SLC24A3: variants seen among roughly 807,000 people sequenced by gnomAD.
The protein encoded by SLC24A3 is solute carrier family 24 member 3.
SLC24A3 carries 28 observed loss-of-function variants against 75.8 expected under a neutral mutation model. The ratio of observed to expected loss-of-function variants is 0.37; its 90% confidence interval spans 0.27 to 0.51. The LOEUF is 0.51. Among genes scored for constraint, SLC24A3 ranks in the 20% least tolerant of loss-of-function variants. The probability of loss-of-function intolerance (pLI) is 0.94; values close to 1 mark genes in which losing one functional copy is unlikely to be tolerated. For synonymous variants in SLC24A3, 372 were observed against 334.1 expected, an observed-to-expected ratio of 1.11 and a Z score of -1.24; for missense variants, 663 against 847.8, an observed-to-expected ratio of 0.78 and a Z score of 2.71.
At chr20:19,656,078 T>A (rs2032262176) in intron 7 of SLC24A3, among the ~76,000 whole-genome samples, 1 of 152,148 alleles carries the variant, frequency 6.6e-6, no homozygotes, top group Non-Finnish European at 1.5e-5. Context: ...ACAAAGCTCC[T>A]ACCAGTAGAT....
intron 13 of SLC24A3, chr20:19,696,413 G>T: frequency 5.8e-6 from 1 of 171,228 alleles, no homozygotes; most frequent in Admixed American, 6.0e-5. Flanking sequence ...CCCTGACATG[G>T]ACGCTCAAAT....
At chr20:19,214,790 C>A (rs1981508393) in intron 1 of SLC24A3, among the ~76,000 whole-genome samples, 1 of 152,180 alleles carries the variant, frequency 6.6e-6, no homozygotes, top group Non-Finnish European at 1.5e-5. Context: ...AGATTTAGTT[C>A]CATAGCACGG....
chr20:19,343,594 C>G (rs1348861295), intron 2 of SLC24A3, among the ~76,000 whole-genome samples: 2 of 151,912 alleles, frequency 1.3e-5, no homozygotes, highest in Non-Finnish European at 2.9e-5. Context: ...GGAAGTAATA[C>G]TTCATGGAGT....
chr20:19,609,224 A>G (rs1416709223), intron 6 of SLC24A3, among the ~76,000 whole-genome samples: 1 of 152,114 alleles, frequency 6.6e-6, no homozygotes, highest in Non-Finnish European at 1.5e-5. Flanking sequence ...GGGGGTTATT[A>G]TCTTATGTTC....
At chr20:19,693,592 C>A in intron 13 of SLC24A3, 167 bp downstream of exon 13, 1 of 784,272 alleles carries the variant, frequency 1.3e-6, no homozygotes, top group Non-Finnish European at 1.9e-6. Flanking sequence ...GGCATCGATT[C>A]TCCTGCTCAC....
At chr20:19,351,433 C>G (rs1195239645) in intron 2 of SLC24A3, among the ~76,000 whole-genome samples, 1 of 152,216 alleles carries the variant, frequency 6.6e-6, no homozygotes, top group African/African-American at 2.4e-5. Flanking sequence ...TTCCCTCTGA[C>G]TTTGTGACCA....
intron 3 of SLC24A3, among the ~76,000 whole-genome samples, chr20:19,538,045 A>G (rs1049484352): frequency 1.3e-5 from 2 of 152,148 alleles, no homozygotes; most frequent in East Asian, 3.9e-4. Context: ...AAATTTAAAA[A>G]AAAATGGGGG....
At chr20:19,436,432 T>C (rs1242135406) in intron 2 of SLC24A3, among the ~76,000 whole-genome samples, 1 of 152,226 alleles carries the variant, frequency 6.6e-6, no homozygotes, top group African/African-American at 2.4e-5. Context: ...AGGTTCAGTA[T>C]GCTCATGTAG....
chr20:19,654,197 G>T, intron 7 of SLC24A3, 61 bp downstream of exon 7: 4 of 1,504,728 alleles, frequency 2.7e-6, no homozygotes, highest in South Asian at 1.1e-5. Context: ...GGGGTGGTGT[G>T]AGGCTCCTCC....
chr20:19,228,345 A>T (rs1394517056), intron 1 of SLC24A3, among the ~76,000 whole-genome samples: 9 of 152,122 alleles, frequency 5.9e-5, no homozygotes, highest in Admixed American at 5.9e-4. Flanking sequence ...TTTCTATATT[A>T]GAAAAAAATC....
At chr20:19,554,288 C>T (rs2030748668) in intron 3 of SLC24A3, among the ~76,000 whole-genome samples, 1 of 152,092 alleles carries the variant, frequency 6.6e-6, no homozygotes, top group African/African-American at 2.4e-5. Context: ...ATATTATTAA[C>T]ATTAATTTCA....
chr20:19,405,373 T>C (rs77034674), intron 2 of SLC24A3, among the ~76,000 whole-genome samples: 1 of 152,204 alleles, frequency 6.6e-6, no homozygotes, highest in Non-Finnish European at 1.5e-5. Flanking sequence ...TCCCGTTTTT[T>C]CTGGAAAGTA....
chr20:19,223,338 C>A (rs1375752800), intron 1 of SLC24A3, among the ~76,000 whole-genome samples: 1 of 152,152 alleles, frequency 6.6e-6, no homozygotes, highest in African/African-American at 2.4e-5. Context: ...ATCTCTTACA[C>A]ATTTTCCCAT....
intron 2 of SLC24A3, among the ~76,000 whole-genome samples, chr20:19,293,655 CAAAAA>C (rs760339037): frequency 3.5e-5 from 2 of 57,790 alleles, no homozygotes; most frequent in Non-Finnish European, 8.3e-5. Context: ...AACTTCGTCT[CAAAAA>C]AAAAAAAAAA....
rs180814290 is a variant in SLC24A3, at chr20:19,720,138, G to T, written c.1786-853G>T. Among the ~76,000 whole-genome samples, 292 of 152,342 alleles carry T rather than the reference G, an allele frequency of 1.9e-3. 1 individual carries two copies. Among genetic ancestry groups the T allele is most frequent in the African/African-American group, 6.8e-3 (284 of 41,582 alleles). On this transcript the variant is annotated intron_variant, in intron 16 of 16. Coordinates refer to ENST00000328041, the MANE Select transcript of SLC24A3 (RefSeq NM_020689.4). Reference sequence around the variant, plus strand: ...CAGCAGACCTTTCTGCAGTGAAATGGCCTACACCTGGGCTGGACAGTACCA... The same window carrying T: ...CAGCAGACCTTTCTGCAGTGAAATGTCCTACACCTGGGCTGGACAGTACCA...
At chr20:19,399,966 C>A (rs1485153764) in intron 2 of SLC24A3, among the ~76,000 whole-genome samples, 1 of 152,154 alleles carries the variant, frequency 6.6e-6, no homozygotes, top group Non-Finnish European at 1.5e-5. Context: ...GCATATTTTT[C>A]TCAGATAGTG....
chr20:19,235,970 T>C (rs1479458924), intron 1 of SLC24A3, among the ~76,000 whole-genome samples: 1 of 152,232 alleles, frequency 6.6e-6, no homozygotes, highest in Non-Finnish European at 1.5e-5. Flanking sequence ...AGAAATAGTT[T>C]CACTCTTTGA....
intron 2 of SLC24A3, among the ~76,000 whole-genome samples, chr20:19,346,200 G>GGT (rs1985410940): frequency 1.3e-5 from 1 of 74,938 alleles, no homozygotes; most frequent in African/African-American, 7.0e-5. Flanking sequence ...ATATATATAT[G>GGT]GTATATATAT....
At chr20:19,685,858 G>C (rs1230037587) in intron 12 of SLC24A3, among the ~76,000 whole-genome samples, 2 of 152,128 alleles carry the variant, frequency 1.3e-5, no homozygotes, top group African/African-American at 4.8e-5. Flanking sequence ...GCAGGAAATA[G>C]GCAGTCCATC....
Sources: allele counts gnomAD v4.1 joint callset (sites outside exome capture counted in the v4.1 genomes callset), GRCh38; gene constraint gnomAD v4.1.1; transcripts MANE v1.5; gene names NCBI Gene and HGNC (gene_info 2026-07-23, HGNC 2026-07-21).